Variants in AKAP6 observed in about 807,000 individuals in gnomAD.
The protein encoded by AKAP6 is A-kinase anchor protein 6.
In AKAP6, 58 loss-of-function variants were observed where a neutral mutation model predicts 188.5. That is an observed-to-expected ratio of 0.31 (90% CI 0.25 to 0.38). AKAP6 has a LOEUF of 0.38. Ranked by LOEUF, AKAP6 falls within the 10% of genes least tolerant of loss-of-function variation. The pLI is 1.00. For synonymous variants in AKAP6, 989 were observed against 998.6 expected (o/e 0.99, Z 0.18); for missense variants, 2,710 against 2,740.0 (o/e 0.99, Z 0.24).
intron 7 of AKAP6, among the ~76,000 whole-genome samples, chr14:32,644,783 G>A (rs1334158872): frequency 1.3e-5 from 2 of 151,708 alleles, no homozygotes; most frequent in Non-Finnish European, 2.9e-5. Context: ...ATTTATTTTT[G>A]TCCTTCTCAA....
intron 7 of AKAP6, among the ~76,000 whole-genome samples, chr14:32,641,470 A>T (rs949075062): frequency 1.4e-4 from 3 of 21,466 alleles, no homozygotes; most frequent in African/African-American, 1.3e-3. Context: ...AAACCCTGCT[A>T]AAAAAAAAAA....
chr14:32,655,974 G>A (rs1316702948), intron 7 of AKAP6, among the ~76,000 whole-genome samples: 2 of 151,980 alleles, frequency 1.3e-5, no homozygotes, highest in African/African-American at 4.8e-5. Flanking sequence ...AAATCTATCT[G>A]TTTTTCTCAA....
chr14:32,582,635 G>T (rs538240662), intron 5 of AKAP6, among the ~76,000 whole-genome samples: 1 of 152,066 alleles, frequency 6.6e-6, no homozygotes, highest in Non-Finnish European at 1.5e-5. Context: ...CCAATCAGAC[G>T]TAGATTTGGT....
intron 12 of AKAP6, among the ~76,000 whole-genome samples, chr14:32,788,671 C>T (rs1414544128): frequency 8.3e-6 from 1 of 120,480 alleles, no homozygotes; most frequent in Non-Finnish European, 2.0e-5. Flanking sequence ...TCAGGAGATC[C>T]TCTTGTGAGC....
At chr14:32,538,478 A>G (rs957845846) in intron 3 of AKAP6, among the ~76,000 whole-genome samples, 1 of 152,174 alleles carries the variant, frequency 6.6e-6, no homozygotes, top group Non-Finnish European at 1.5e-5. Context: ...AGAGTGGCAA[A>G]TTCCATCTTC....
At chr14:32,829,365 T>G (rs2034764236) in intron 13 of AKAP6, among the ~76,000 whole-genome samples, 1 of 152,186 alleles carries the variant, frequency 6.6e-6, no homozygotes, top group Non-Finnish European at 1.5e-5. Context: ...AATAGTGGAA[T>G]TGTTCGATAT....
At chr14:32,656,540 A>G (rs922847439) in intron 7 of AKAP6, among the ~76,000 whole-genome samples, 2 of 152,166 alleles carry the variant, frequency 1.3e-5, no homozygotes, top group Non-Finnish European at 2.9e-5. Flanking sequence ...GGGCCTGGGA[A>G]TCTGCATTTT....
At chr14:32,690,027 G>A (rs1430236617) in intron 8 of AKAP6, among the ~76,000 whole-genome samples, 1 of 151,118 alleles carries the variant, frequency 6.6e-6, no homozygotes, top group East Asian at 2.0e-4. Flanking sequence ...ATGTCCTAGT[G>A]TGAATTAATA....
At chr14:32,497,175 C>T (rs1304753650) in intron 2 of AKAP6, among the ~76,000 whole-genome samples, 1 of 152,094 alleles carries the variant, frequency 6.6e-6, no homozygotes, top group African/African-American at 2.4e-5. Flanking sequence ...TCTCTCTATG[C>T]ATAGTATCTT....
At chr14:32,584,461 G>T (rs963508777) in intron 5 of AKAP6, among the ~76,000 whole-genome samples, 4 of 152,130 alleles carry the variant, frequency 2.6e-5, no homozygotes, top group Non-Finnish European at 5.9e-5. Flanking sequence ...TTAACCACAG[G>T]TAACTGAAAC....
chr14:32,370,418 T>C (rs1195934331), intron 1 of AKAP6, among the ~76,000 whole-genome samples: 1 of 152,218 alleles, frequency 6.6e-6, no homozygotes, highest in African/African-American at 2.4e-5. Flanking sequence ...TTGCTGAATG[T>C]CAAGTGCTGT....
chr14:32,728,396 A>G (rs573592347), intron 9 of AKAP6, among the ~76,000 whole-genome samples: 4 of 149,682 alleles, frequency 2.7e-5, no homozygotes, highest in Admixed American at 6.7e-5. Context: ...CTATCTATCA[A>G]TCGTATCTAT....
chr14:32,521,359 A>G (rs894694412), intron 2 of AKAP6, among the ~76,000 whole-genome samples: 1 of 152,160 alleles, frequency 6.6e-6, no homozygotes, highest in Non-Finnish European at 1.5e-5. Context: ...GGAGAAAGAA[A>G]TAAAGGGTAT....
chr14:32,757,535 T>A (rs1039469780), intron 11 of AKAP6, among the ~76,000 whole-genome samples: 1 of 152,232 alleles, frequency 6.6e-6, no homozygotes, highest in Non-Finnish European at 1.5e-5. Context: ...ATAGAATGTA[T>A]GTAAGAATGG....
rs145999321 is a variant in AKAP6 at position 32,716,064 on chromosome 14, A to AG, written c.3001-16387dup. ...ATTCTCAAATGAGCAACTAAGGCACAGGGAAGCACACAGCTAGTAAGCAAT... is the reference window on the plus strand; with the variant it reads ...ATTCTCAAATGAGCAACTAAGGCACAGGGGAAGCACACAGCTAGTAAGCAAT... On this transcript the variant is annotated intron_variant, in intron 9 of 13. Coordinates refer to ENST00000280979, the MANE Select transcript of AKAP6 (RefSeq NM_004274.5). Among the ~76,000 whole-genome samples, 326 of 152,162 alleles carry AG rather than the reference A, an allele frequency of 2.1e-3. 2 individuals carry two copies. Among genetic ancestry groups the AG allele is most frequent in the African/African-American group, 7.3e-3 (305 of 41,544 alleles).
chr14:32,429,908 A>G (rs772739505), intron 1 of AKAP6, among the ~76,000 whole-genome samples: 1 of 152,138 alleles, frequency 6.6e-6, no homozygotes, highest in Admixed American at 6.5e-5. Context: ...TTTGTTTCAT[A>G]TTTTTATTTT....
intron 2 of AKAP6, among the ~76,000 whole-genome samples, chr14:32,504,371 C>T (rs1880757944): frequency 6.6e-6 from 1 of 152,130 alleles, no homozygotes; most frequent in Non-Finnish European, 1.5e-5. Context: ...ACCTTTGCCT[C>T]CCAGGCTCAA....
chr14:32,442,823 G>A (rs1376915395), intron 2 of AKAP6, among the ~76,000 whole-genome samples: 1 of 151,874 alleles, frequency 6.6e-6, no homozygotes, highest in Non-Finnish European at 1.5e-5. Context: ...GAGTAGGGTT[G>A]TCATAGCTAC....
chr14:32,560,452 G>A (rs1444451524), intron 4 of AKAP6, among the ~76,000 whole-genome samples: 1 of 152,126 alleles, frequency 6.6e-6, no homozygotes, highest in African/African-American at 2.4e-5. Context: ...TGATGATTTA[G>A]CACCACCGTG....
Sources: allele counts gnomAD v4.1 joint callset (sites outside exome capture counted in the v4.1 genomes callset), GRCh38; gene constraint gnomAD v4.1.1; transcripts MANE v1.5; gene names NCBI Gene and HGNC (gene_info 2026-07-23, HGNC 2026-07-21).